DOCK8: variants seen among roughly 807,000 people sequenced by gnomAD.
DOCK8 encodes the protein dedicator of cytokinesis 8, also known as dedicator of cytokinesis protein 8.
In DOCK8, 141 loss-of-function variants were observed where a neutral mutation model predicts 245.6. The observed-to-expected ratio is 0.57, with a 90% CI of 0.50 to 0.66. DOCK8 has a LOEUF of 0.66. Among genes scored for constraint, DOCK8 ranks in the 30% least tolerant of loss-of-function variants. The probability of loss-of-function intolerance (pLI) is 0.00; values close to 1 mark genes in which losing one functional copy is unlikely to be tolerated. For synonymous variants in DOCK8, 1,168 were observed against 970.2 expected (o/e 1.20, Z -3.79); for missense variants, 2,965 against 2,603.4 (o/e 1.14, Z -3.02).
chr9:388,084 T>C (rs2054029293), intron 23 of DOCK8, among the ~76,000 whole-genome samples: 1 of 152,190 alleles, frequency 6.6e-6, no homozygotes, highest in Non-Finnish European at 1.5e-5. Context: ...CCTTGTCTAA[T>C]CTCTTCTTGC....
In DOCK8 at chr9:371,170, G is replaced by GTTTTTTTTTGTTTT. The variant is rs149107240; in HGVS notation, c.1869-256_1869-255insTTTTTTTGTTTTTT. The stretch of plus-strand genomic sequence containing the variant: ...TTGGAGTTTTCCATTGTGTGGGGGA[G>GTTTTTTTTTGTTTT]TTGTTTTTTGTTTTTTGTTTTTTGT... On this transcript the variant is annotated intron_variant, in intron 16 of 47. Transcript: ENST00000432829. Among the ~76,000 whole-genome samples the GTTTTTTTTTGTTTT allele has an allele frequency of 2.0e-4, 31 of 151,416 alleles. No individual in the cohort carries two copies. In the South Asian group the frequency reaches 4.4e-3, roughly 21 times the overall value.
intron 6 of DOCK8, 191 bp downstream of exon 6, chr9:312,357 A>C (rs553877707): frequency 1.4e-6 from 1 of 718,370 alleles, no homozygotes; most frequent in African/African-American, 1.7e-5. Context: ...TATCACACAG[A>C]TGGGATTCTG....
At chr9:378,167 T>C (rs921943399) in intron 20 of DOCK8, among the ~76,000 whole-genome samples, 7 of 152,158 alleles carry the variant, frequency 4.6e-5, no homozygotes, top group East Asian at 1.9e-4. Flanking sequence ...CAGCTAAATT[T>C]TGCAGTGGTT....
At chr9:330,407 A>C (rs988115000) in intron 9 of DOCK8, among the ~76,000 whole-genome samples, 4 of 152,178 alleles carry the variant, frequency 2.6e-5, no homozygotes, top group African/African-American at 9.6e-5. Context: ...GAAGTCTTGC[A>C]GATGTTAAAT....
chr9:254,544 G>C (rs762594860), intron 1 of DOCK8, among the ~76,000 whole-genome samples: 1 of 151,900 alleles, frequency 6.6e-6, no homozygotes, highest in Non-Finnish European at 1.5e-5. Context: ...TAAATCTAAA[G>C]TGCCTTGAAA....
chr9:404,887 G>T, intron 26 of DOCK8, 31 bp from the exon 27 acceptor site: 1 of 1,612,994 alleles, frequency 6.2e-7, no homozygotes, highest in Non-Finnish European at 8.5e-7. Flanking sequence ...TGTAATAAAT[G>T]TTTCATTCCT....
intron 4 of DOCK8, among the ~76,000 whole-genome samples, chr9:292,345 C>T (rs1321118000): frequency 1.8e-5 from 2 of 112,538 alleles, no homozygotes; most frequent in East Asian, 2.9e-4. Context: ...CAAGATCGCG[C>T]CATTGCACTC....
intron 6 of DOCK8, 117 bp downstream of exon 6, chr9:312,283 T>G: frequency 7.8e-7 from 1 of 1,275,104 alleles, no homozygotes; most frequent in Non-Finnish European, 1.1e-6. Context: ...CTCACTTGTA[T>G]GATTTCTGGG....
intron 14 of DOCK8, among the ~76,000 whole-genome samples, chr9:367,024 A>G (rs1402530555): frequency 6.6e-6 from 1 of 152,158 alleles, no homozygotes; most frequent in African/African-American, 2.4e-5. Flanking sequence ...GTTATATGAT[A>G]TGGGGTGTAT....
intron 4 of DOCK8, among the ~76,000 whole-genome samples, chr9:300,970 G>A (rs1359629969): frequency 1.3e-5 from 2 of 152,164 alleles, no homozygotes; most frequent in East Asian, 3.8e-4. Flanking sequence ...CAAGGAGGAA[G>A]GACTCCTCTC....
rs141449362 is a variant in DOCK8 at position 318,797 on chromosome 9, G to A, written c.827+1669G>A. On this transcript the variant is annotated intron_variant, in intron 7 of 47. Coordinates refer to ENST00000432829, the MANE Select transcript of DOCK8 (RefSeq NM_203447.4). ...CCTCTGCATTGTTTAGGAAGCCTTC[G>A]CTATTGTCTGAGGGACACACCTGCC... Among the ~76,000 whole-genome samples the A allele has an allele frequency of 3.9e-3, 598 of 152,280 alleles. 6 individuals carry two copies. Among genetic ancestry groups the A allele is most frequent in the African/African-American group, 0.014 (563 of 41,560 alleles).
chr9:213,847 GC>G (rs1001832049), upstream of DOCK8: 2 of 152,144 alleles, frequency 1.3e-5, no homozygotes, highest in East Asian at 3.9e-4. Flanking sequence ...CCCTGCCTCA[GC>G]CTCCCAAGTA....
At chr9:394,450 A>T (rs916605416) in intron 24 of DOCK8, among the ~76,000 whole-genome samples, 1 of 152,232 alleles carries the variant, frequency 6.6e-6, no homozygotes, top group Non-Finnish European at 1.5e-5. Context: ...TTTTCCAAGA[A>T]GCTTGAGAAA....
At chr9:308,780 C>T (rs2049965179) in intron 5 of DOCK8, among the ~76,000 whole-genome samples, 1 of 152,170 alleles carries the variant, frequency 6.6e-6, no homozygotes, top group African/African-American at 2.4e-5. Context: ...CCCTTAGCCT[C>T]CCGAGTAGCT....
intron 22 of DOCK8, among the ~76,000 whole-genome samples, chr9:385,848 T>C (rs189199295): frequency 6.6e-6 from 1 of 152,330 alleles, no homozygotes; most frequent in African/African-American, 2.4e-5. Flanking sequence ...TAAATTTTTA[T>C]GTGGACAGGG....
rs1057452537 is a variant in DOCK8, at chr9:425,404, C to G, written c.4242-1481C>G. Among the ~76,000 whole-genome samples the G allele has an allele frequency of 4.5e-4, 69 of 152,038 alleles. 1 individual carries two copies. Among genetic ancestry groups the G allele is most frequent in the East Asian group, 9.7e-4 (5 of 5,164 alleles). ...AAAAGTAGCCGGGCGCGGTGGCGGG[C>G]GCCTGTAGTCCCAGCTACTCGGGAG... On this transcript the variant is annotated intron_variant, in intron 33 of 47. Coordinates refer to ENST00000432829, the MANE Select transcript of DOCK8 (RefSeq NM_203447.4).
chr9:371,105 A>G (rs2053265739), intron 16 of DOCK8, among the ~76,000 whole-genome samples: 2 of 152,206 alleles, frequency 1.3e-5, no homozygotes, highest in African/African-American at 4.8e-5. Context: ...AGGAGGTCAC[A>G]GCAGGAGTCC....
chr9:357,334 C>A (rs745527626), intron 14 of DOCK8, among the ~76,000 whole-genome samples: 6 of 152,126 alleles, frequency 3.9e-5, no homozygotes, highest in Non-Finnish European at 5.9e-5. Flanking sequence ...TATAAAATCA[C>A]CATATCTCAT....
intron 10 of DOCK8, among the ~76,000 whole-genome samples, chr9:333,848 G>A (rs1306212572): frequency 2.0e-5 from 3 of 152,126 alleles, no homozygotes; most frequent in Non-Finnish European, 2.9e-5. Flanking sequence ...TCACTTGGGA[G>A]CTTGGTAGAT....
Sources: gnomAD v4.1 joint callset for allele counts (sites outside exome capture counted in the v4.1 genomes callset) on GRCh38, gnomAD v4.1.1 for gene constraint, MANE v1.5 for transcripts, NCBI Gene and HGNC (gene_info 2026-07-23, HGNC 2026-07-21) for gene names.